Variants in ELF2 observed in about 807,000 individuals in gnomAD.
ELF2 encodes ETS-related transcription factor Elf-2.
ELF2 carries 11 observed loss-of-function variants against 54.8 expected under a neutral mutation model. That is an observed-to-expected ratio of 0.20 (90% CI 0.13 to 0.33). ELF2 has a LOEUF of 0.33. ELF2 is among the 10% of genes least tolerant of loss of function. ELF2 has a pLI of 1.00. For missense variants in ELF2, 513 were observed against 703.0 expected (o/e 0.73, Z 3.06); for synonymous variants, 203 against 245.1 (o/e 0.83, Z 1.61).
At chr4:139,132,109 T>A (rs1032418637) in intron 3 of ELF2, among the ~76,000 whole-genome samples, 3 of 152,208 alleles carry the variant, frequency 2.0e-5, no homozygotes, top group Non-Finnish European at 4.4e-5. Context: ...TTTCTCAGTA[T>A]GTCTGAGTTT....
intron 1 of ELF2, among the ~76,000 whole-genome samples, chr4:139,158,910 C>A (rs765299638): frequency 4.6e-5 from 7 of 152,092 alleles, no homozygotes; most frequent in Non-Finnish European, 8.8e-5. Context: ...GTCGTTTCAC[C>A]TTTCCTGAAG....
At chr4:139,093,255 G>A (rs1001465260) in intron 4 of ELF2, among the ~76,000 whole-genome samples, 3 of 152,004 alleles carry the variant, frequency 2.0e-5, no homozygotes, top group East Asian at 1.9e-4. Flanking sequence ...GTGAGCCACC[G>A]CGCCCGGCCA....
At chr4:139,138,200 C>G (rs947620103) in intron 2 of ELF2, among the ~76,000 whole-genome samples, 1 of 152,172 alleles carries the variant, frequency 6.6e-6, no homozygotes, top group Non-Finnish European at 1.5e-5. Context: ...AGGCGGATCA[C>G]GAGGTCAAGA....
At position 139,156,459 on chromosome 4, in the gene ELF2, G is replaced by A. The variant is rs566249037; in HGVS notation, c.-251-16962C>T. ...CTCCCAAAGTGCTGGGATTACAGGC[G>A]TTAGCCACCATGCCCGGCCAAACTT... On this transcript the variant is annotated intron_variant, in intron 1 of 9. Transcript: ENST00000686138. Among the ~76,000 whole-genome samples the A allele has an allele frequency of 1.3e-4, 20 of 151,902 alleles. 1 individual carries two copies. In the East Asian group the frequency reaches 1.8e-3, roughly 13 times the overall value.
At chr4:139,099,815 G>A (rs1733685274) in intron 4 of ELF2, among the ~76,000 whole-genome samples, 1 of 152,208 alleles carries the variant, frequency 6.6e-6, no homozygotes, top group Non-Finnish European at 1.5e-5. Context: ...ATTAAATAAT[G>A]GAGGGCTATG....
chr4:139,059,702 A>T (rs1727538279), intron 9 of ELF2, 95 bp from the exon 10 acceptor site: 2 of 1,447,272 alleles, frequency 1.4e-6, no homozygotes, highest in Admixed American at 2.2e-5. Flanking sequence ...CAAAATGTGT[A>T]AAATTAGTGC....
chr4:139,116,993 G>A (rs951720440), intron 4 of ELF2, among the ~76,000 whole-genome samples: 4 of 151,994 alleles, frequency 2.6e-5, no homozygotes, highest in Admixed American at 6.5e-5. Context: ...CTGCTTTCTC[G>A]TTGAATTATA....
intron 9 of ELF2, 53 bp downstream of exon 9, chr4:139,060,271 G>C: frequency 6.9e-7 from 1 of 1,445,280 alleles, no homozygotes; most frequent in Non-Finnish European, 9.2e-7. Flanking sequence ...TTTTCACCAC[G>C]GAGACTTTTT....
chr4:139,148,118 AAT>A (rs980111735), intron 1 of ELF2, among the ~76,000 whole-genome samples: 2 of 141,244 alleles, frequency 1.4e-5, no homozygotes, highest in Non-Finnish European at 3.1e-5. Context: ...AAAAAAAATT[AAT>A]GTACTTTCTA....
chr4:139,151,032 A>AAAAAGAAAG lies in ELF2; in HGVS notation c.-251-11536_-251-11535insCTTTCTTTT, dbSNP rs1301387000. 5.2e-3 allele frequency among the ~76,000 whole-genome samples: 536 copies of AAAAAGAAAG among 102,486 alleles called. 3 individuals carry two copies. The highest frequency in any genetic ancestry group is 0.012 in the East Asian group (48 of 4,026). The allele number at this position is 102,486 out of a possible 152,430, so 67.2% of individuals were successfully genotyped here. On this transcript the variant is annotated intron_variant, in intron 1 of 9. Coordinates refer to ENST00000686138, the MANE Select transcript of ELF2 (RefSeq NM_001331036.3). ...GAACGAGGCTCCATCTCAAAAAAAA[A>AAAAAGAAAG]AAAGAAAGAAAGAAAGAAAGAAAGA...
intron 4 of ELF2, among the ~76,000 whole-genome samples, chr4:139,088,683 A>G (rs963069675): frequency 6.6e-6 from 1 of 151,818 alleles, no homozygotes; most frequent in African/African-American, 2.4e-5. Flanking sequence ...TTCTCTCTCC[A>G]TTCTCCACTC....
intron 4 of ELF2, chr4:139,115,238 C>A: frequency 1.2e-6 from 2 of 1,610,384 alleles, no homozygotes; most frequent in South Asian, 2.2e-5. Context: ...GGGCCCTCAT[C>A]GTCCGCGCCG....
At chr4:139,125,475 G>A in intron 3 of ELF2, 146 bp from the exon 4 acceptor site, 1 of 843,482 alleles carries the variant, frequency 1.2e-6, no homozygotes, top group Non-Finnish European at 1.7e-6. Context: ...CAAAACAAGA[G>A]ATGAAAAGGG....
intron 4 of ELF2, among the ~76,000 whole-genome samples, chr4:139,094,810 G>C (rs1733067086): frequency 6.6e-6 from 1 of 152,046 alleles, no homozygotes; most frequent in African/African-American, 2.4e-5. Flanking sequence ...TCTAATTTTA[G>C]ATTTATTTAT....
intron 4 of ELF2, among the ~76,000 whole-genome samples, chr4:139,083,923 A>G (rs1214210444): frequency 6.6e-6 from 1 of 152,168 alleles, no homozygotes; most frequent in Non-Finnish European, 1.5e-5. Context: ...ACAGCGCCGG[A>G]TTCGAGGCAG....
At chr4:139,107,967 A>C (rs1378292733) in intron 4 of ELF2, among the ~76,000 whole-genome samples, 2 of 147,816 alleles carry the variant, frequency 1.4e-5, no homozygotes, top group African/African-American at 5.2e-5. Flanking sequence ...GGAGAAGAGA[A>C]AAAAAAAAAG....
intron 4 of ELF2, among the ~76,000 whole-genome samples, chr4:139,092,471 C>CATAACATAAG (rs1481009200): frequency 6.7e-6 from 1 of 148,306 alleles, no homozygotes; most frequent in East Asian, 2.0e-4. Flanking sequence ...CATAACATAA[C>CATAACATAAG]ATAGGGCCGG....
chr4:139,071,447 T>A (rs960629383), intron 6 of ELF2, among the ~76,000 whole-genome samples: 5 of 152,048 alleles, frequency 3.3e-5, no homozygotes, highest in Admixed American at 1.3e-4. Context: ...TGCCTGGCTT[T>A]TTAAAAAATA....
At chr4:139,144,887 G>A (rs145782373) in intron 1 of ELF2, among the ~76,000 whole-genome samples, 1 of 152,284 alleles carries the variant, frequency 6.6e-6, no homozygotes, top group African/African-American at 2.4e-5. Flanking sequence ...CCCCCCACCT[G>A]GCTTTGACCC....
Sources: gnomAD v4.1 joint callset for allele counts (sites outside exome capture counted in the v4.1 genomes callset) on GRCh38, gnomAD v4.1.1 for gene constraint, MANE v1.5 for transcripts, NCBI Gene and HGNC (gene_info 2026-07-23, HGNC 2026-07-21) for gene names.